Variants in FAM120B observed in about 807,000 individuals in gnomAD.
The protein encoded by FAM120B is family with sequence similarity 120 member B, also known as constitutive coactivator of peroxisome proliferator-activated receptor gamma.
Under a neutral mutation model 96.3 loss-of-function variants are expected in FAM120B, and 83 were observed. The ratio of observed to expected loss-of-function variants is 0.86; its 90% confidence interval spans 0.72 to 1.03. FAM120B has a LOEUF of 1.03. Ranked by LOEUF, FAM120B falls within the 50% of genes least tolerant of loss-of-function variation. The pLI is 0.00. For synonymous variants in FAM120B, 407 were observed against 402.7 expected (o/e 1.01, Z -0.13); for missense variants, 1,027 against 1,121.2 (o/e 0.92, Z 1.20).
At position 170,318,430 on chromosome 6, in the gene FAM120B, C is replaced by T; in HGVS notation, c.1040C>T (p.Ala347Val). The change falls in exon 2 of 11, where the codon GCT (alanine) becomes GTT (valine). Residue 347 changes from alanine (A) to valine (V), a missense_variant. Physicochemically the swap from Ala to Val is moderately conservative, Grantham distance 64 (BLOSUM62 0). This residue lies in a region of FAM120B where 880 missense variants were observed against 980.9 expected (regional missense o/e 0.90). Coordinates refer to ENST00000476287, the MANE Select transcript of FAM120B (RefSeq NM_032448.3). ...SREEVPMCSD[A>V]ESRQEVPMCT... ...GAAGAAGTTCCCATGTGTTCAGATG[C>T]TGAATCCAGGCAAGAAGTTCCCATG... 1 of 1,614,250 alleles carries T rather than the reference C, an allele frequency of 6.2e-7. No homozygotes were observed. Among genetic ancestry groups the T allele is most frequent in the East Asian group, 2.2e-5 (1 of 44,888 alleles).
At position 170,404,493 on chromosome 6, in the gene FAM120B, T is replaced by C. The variant is rs142115507; in HGVS notation, c.2693-57T>C. 2.1e-4 allele frequency: 299 copies of C among 1,452,848 alleles called. 1 individual carries two copies. In the African/African-American group the frequency reaches 3.5e-3, roughly 17 times the overall value. 90.0% of individuals were successfully genotyped at this position (1,452,848 alleles called of 1,614,324 possible). On this transcript the variant is annotated intron_variant, in intron 9 of 10. Coordinates refer to ENST00000476287, the MANE Select transcript of FAM120B (RefSeq NM_032448.3). The stretch of plus-strand genomic sequence containing the variant: ...TACTTAGAAATGTGCAGCATTCTTG[T>C]TTGTGTATTGAGAGAGATTTAATTC...
chr6:170,370,695 G>A lies in FAM120B; in HGVS notation c.2283+12377G>A, dbSNP rs567179225. 9.3e-4 allele frequency among the ~76,000 whole-genome samples: 141 copies of A among 152,216 alleles called. No homozygotes were observed. The highest frequency in any genetic ancestry group is 1.5e-3 in the Non-Finnish European group (104 of 68,014). ...TCAGCAGTTCAGATATTACCTCACC[G>A]CATTTCTTATAAAGATTCGCCTTCT... On this transcript the variant is annotated intron_variant, in intron 6 of 10. Transcript: ENST00000476287. The surrounding 1 kb of genome is among the most constrained non-coding windows in gnomAD (Gnocchi z 4.3).
chr6:170,403,876 C>T (rs1465544793), intron 9 of FAM120B, among the ~76,000 whole-genome samples: 1 of 152,164 alleles, frequency 6.6e-6, no homozygotes, highest in Non-Finnish European at 1.5e-5. Flanking sequence ...TCTCCTTTCA[C>T]ACCTTCTGCC....
At chr6:170,351,762 C>G (rs891319293) in intron 5 of FAM120B, among the ~76,000 whole-genome samples, 3 of 152,210 alleles carry the variant, frequency 2.0e-5, no homozygotes, top group African/African-American at 7.2e-5. Flanking sequence ...CACCAACAGG[C>G]TTGCCTTGCA....
chr6:170,330,609 A>G (rs1785955538), intron 4 of FAM120B, 59 bp downstream of exon 4: 2 of 1,270,466 alleles, frequency 1.6e-6, no homozygotes, highest in African/African-American at 1.5e-5. Context: ...ATAAAAGTCT[A>G]AGAATGCATC....
intron 1 of FAM120B, among the ~76,000 whole-genome samples, chr6:170,299,999 C>G (rs1784106899): frequency 6.6e-6 from 1 of 152,216 alleles, no homozygotes; most frequent in Non-Finnish European, 1.5e-5. Flanking sequence ...ACTTCAGCAG[C>G]ATTTAATGTG....
chr6:170,326,556 G>A (rs1046961890), intron 3 of FAM120B, among the ~76,000 whole-genome samples: 3 of 152,114 alleles, frequency 2.0e-5, no homozygotes, highest in East Asian at 1.9e-4. Context: ...TCTGTGAAGG[G>A]TCAGATAATA....
upstream of FAM120B, among the ~76,000 whole-genome samples, chr6:170,303,428 G>A (rs1307415416): frequency 6.6e-6 from 1 of 152,152 alleles, no homozygotes; most frequent in Admixed American, 6.5e-5. Context: ...GTTTTGTAGA[G>A]ATGAGGTCTC....
At chr6:170,391,567 T>C (rs1199970019) in intron 8 of FAM120B, among the ~76,000 whole-genome samples, 1 of 151,668 alleles carries the variant, frequency 6.6e-6, no homozygotes, top group East Asian at 1.9e-4. Context: ...CTCTACCCAG[T>C]GGTTTAAATT....
intron 6 of FAM120B, among the ~76,000 whole-genome samples, chr6:170,374,450 G>A (rs1229559567): frequency 1.3e-5 from 2 of 152,176 alleles, no homozygotes; most frequent in African/African-American, 4.8e-5. Context: ...TGCCCGAGAC[G>A]AGATCTCATT....
chr6:170,313,864 G>T (rs1784742793), intron 1 of FAM120B, among the ~76,000 whole-genome samples: 1 of 152,210 alleles, frequency 6.6e-6, no homozygotes, highest in Non-Finnish European at 1.5e-5. Context: ...GCCAAGTATT[G>T]GTTGTCCCGC....
chr6:170,291,473 G>A (rs929118376), upstream of FAM120B, among the ~76,000 whole-genome samples: 1 of 152,184 alleles, frequency 6.6e-6, no homozygotes, highest in African/African-American at 2.4e-5. Context: ...CGAGCTCTTG[G>A]CGGGGCCGCC....
intron 6 of FAM120B, 41 bp from the exon 7 acceptor site, chr6:170,388,246 C>T (rs1191127409): frequency 6.4e-7 from 1 of 1,569,552 alleles, no homozygotes; most frequent in Non-Finnish European, 8.8e-7. Flanking sequence ...GCATGTGTGA[C>T]TCCTGTCTTA....
At chr6:170,291,231 T>C (rs949922057), upstream of FAM120B, among the ~76,000 whole-genome samples, 1 of 146,792 alleles carries the variant, frequency 6.8e-6, no homozygotes, top group African/African-American at 2.5e-5. Context: ...AGAATCCCCC[T>C]GCTTCTGGAG....
At chr6:170,402,159 T>A (rs1348718667) in intron 9 of FAM120B, among the ~76,000 whole-genome samples, 1 of 152,274 alleles carries the variant, frequency 6.6e-6, no homozygotes, top group East Asian at 1.9e-4. Flanking sequence ...GGCCCCTGTT[T>A]GTGCGCCCTC....
intron 9 of FAM120B, among the ~76,000 whole-genome samples, 168 bp downstream of exon 9, chr6:170,395,747 G>T (rs145470561): frequency 6.6e-6 from 1 of 152,170 alleles, no homozygotes; most frequent in African/African-American, 2.4e-5. Flanking sequence ...GTGAAATAAA[G>T]ACAAATAATT....
intron 4 of FAM120B, chr6:170,330,858 T>TG: frequency 3.2e-6 from 1 of 312,084 alleles, no homozygotes; most frequent in Non-Finnish European, 6.0e-6. Context: ...CAGCGCATGT[T>TG]GCTGCCGCAG....
chr6:170,404,712 C>A, intron 10 of FAM120B, 51 bp from the exon 11 acceptor site: 2 of 829,904 alleles, frequency 2.4e-6, no homozygotes, highest in Non-Finnish European at 4.0e-6. Flanking sequence ...TTGAATCCTG[C>A]TGACCTGGTG....
intron 4 of FAM120B, 65 bp downstream of exon 4, chr6:170,330,615 G>T: frequency 8.1e-7 from 1 of 1,231,658 alleles, no homozygotes; most frequent in Admixed American, 1.8e-5. Context: ...GTCTAAGAAT[G>T]CATCAGTTAT....
Sources: gnomAD v4.1 joint callset for allele counts (sites outside exome capture counted in the v4.1 genomes callset) on GRCh38, gnomAD v4.1.1 for gene constraint, gnomAD v4.1.1 regional missense constraint, Gnocchi (gnomAD v3.1) non-coding constraint, MANE v1.5 for transcripts, NCBI Gene and HGNC (gene_info 2026-07-23, HGNC 2026-07-21) for gene names.